The following PPIL4 variants were observed in gnomAD, a reference collection of about 807,000 sequenced individuals.
PPIL4 encodes the protein peptidylprolyl isomerase like 4, also known as peptidyl-prolyl cis-trans isomerase-like 4.
PPIL4 carries 50 observed loss-of-function variants against 69.1 expected under a neutral mutation model. The observed-to-expected ratio is 0.72, with a 90% CI of 0.58 to 0.92. PPIL4 has a LOEUF of 0.92. Ranked by LOEUF, PPIL4 falls within the 40% of genes least tolerant of loss-of-function variation. PPIL4 has a pLI of 0.00. For synonymous variants in PPIL4, 193 were observed against 191.6 expected, an observed-to-expected ratio of 1.01 and a Z score of -0.06; for missense variants, 480 against 587.9, an observed-to-expected ratio of 0.82 and a Z score of 1.90.
chr6:149,541,015 A>T lies in PPIL4; in HGVS notation c.248T>A (p.Val83Asp). 6.2e-7 allele frequency: 1 copy of T among 1,612,520 alleles called. No homozygotes were observed. Among genetic ancestry groups the T allele is most frequent in the African/African-American group, 1.3e-5 (1 of 74,974 alleles). The change falls in exon 4 of 13, where the codon GTC (valine) becomes GAC (aspartate). Residue 83 changes from valine (V) to aspartate (D), a missense_variant. Physicochemically the swap from Val to Asp is radical, Grantham distance 152. Coordinates refer to ENST00000253329, the MANE Select transcript of PPIL4 (RefSeq NM_139126.4). ...DQASFFEAEK[V>D]PRIKHKKKGT... ...TTTCTTCTTGTGCTTAATTCTTGGG[A>T]CTTTTTCTGCCTCAAAAAAGCTTGC...
intron 4 of PPIL4, among the ~76,000 whole-genome samples, chr6:149,536,592 A>G (rs1218074853): frequency 6.6e-6 from 1 of 152,192 alleles, no homozygotes; most frequent in Non-Finnish European, 1.5e-5. Context: ...CCTTAAGCCA[A>G]AGCCTAATTC....
intron 6 of PPIL4, among the ~76,000 whole-genome samples, chr6:149,534,031 C>T (rs906635487): frequency 3.0e-4 from 46 of 152,022 alleles, no homozygotes. Flanking sequence ...TGGCATGCAC[C>T]TACAATCCCA....
At chr6:149,529,626 G>A (rs186168189) in intron 7 of PPIL4, among the ~76,000 whole-genome samples, 11 of 151,940 alleles carry the variant, frequency 7.2e-5, no homozygotes, top group East Asian at 3.9e-4. Context: ...AGCCGGGCGC[G>A]GTGGCACGTG....
intron 1 of PPIL4, among the ~76,000 whole-genome samples, chr6:149,542,055 T>C (rs1033948914): frequency 5.9e-5 from 9 of 151,734 alleles, no homozygotes; most frequent in Non-Finnish European, 1.3e-4. Context: ...GCAATAAGTC[T>C]AGAAAAAAAA....
Position 149,525,173 on chromosome 6 carries a change from G to C in PPIL4, c.840C>G (p.Ser280=). ...CAAATTCAATAAAAGCGTAACAGAG[G>C]GACTCTCCTGTCTTCCAGTCTCGGA... is the stretch of plus-strand genomic sequence containing the variant. ...EVIRDWKTGE[S]LCYAFIEFEK... The change falls in exon 9 of 13, where the codon TCC becomes TCG. Residue 280 remains serine (S), a synonymous_variant. Coordinates refer to ENST00000253329, the MANE Select transcript of PPIL4 (RefSeq NM_139126.4). The C allele has an allele frequency of 6.4e-7, 1 of 1,564,194 alleles. No homozygotes were observed. The highest frequency in any genetic ancestry group is 8.7e-7 in the Non-Finnish European group (1 of 1,144,904).
rs553843546 is a variant in PPIL4, at chr6:149,539,604, T to G, written c.321+1338A>C. Among the ~76,000 whole-genome samples the G allele has an allele frequency of 1.1e-4, 16 of 152,226 alleles. 2 individuals carry two copies. In the South Asian group the frequency reaches 3.3e-3, roughly 32 times the overall value. Reference sequence around the variant, plus strand: ...CATGTTTCCTGGGCTGGTCTCGAAATCCTGAGCTCAACCCATCTGCCTGCC... The same window carrying G: ...CATGTTTCCTGGGCTGGTCTCGAAAGCCTGAGCTCAACCCATCTGCCTGCC... On this transcript the variant is annotated intron_variant, in intron 4 of 12. Coordinates refer to ENST00000253329, the MANE Select transcript of PPIL4 (RefSeq NM_139126.4).
At chr6:149,539,126 C>T (rs375284051) in intron 4 of PPIL4, among the ~76,000 whole-genome samples, 148 of 152,290 alleles carry the variant, frequency 9.7e-4, no homozygotes, top group Middle Eastern at 3.4e-3. Context: ...GGACTACAGG[C>T]ATGAGCCACT....
At chr6:149,525,459 GAAGT>G (rs1190161166) in intron 8 of PPIL4, among the ~76,000 whole-genome samples, 8 of 152,172 alleles carry the variant, frequency 5.3e-5, no homozygotes, top group Admixed American at 1.3e-4. Context: ...CTTAAGCACT[GAAGT>G]AAGAATAAAA....
chr6:149,517,538 T>C, intron 10 of PPIL4, 88 bp from the exon 11 acceptor site: 1 of 608,526 alleles, frequency 1.6e-6, no homozygotes. Context: ...ATAAGAGCTA[T>C]TTTATAAATG....
intron 12 of PPIL4, among the ~76,000 whole-genome samples, chr6:149,511,679 T>C (rs1776845554): frequency 6.6e-6 from 1 of 152,214 alleles, no homozygotes; most frequent in African/African-American, 2.4e-5. Context: ...TTTTTTTAAA[T>C]GTGCTGTTCA....
chr6:149,521,287 A>C, intron 9 of PPIL4, 116 bp from the exon 10 acceptor site: 1 of 670,520 alleles, frequency 1.5e-6, no homozygotes, highest in Non-Finnish European at 2.6e-6. Context: ...AATACTTATT[A>C]CACACCCGAT....
chr6:149,526,627 C>T, intron 8 of PPIL4, 25 bp downstream of exon 8: 1 of 1,581,178 alleles, frequency 6.3e-7, no homozygotes, highest in Non-Finnish European at 8.6e-7. Flanking sequence ...TTCTAAATAT[C>T]TCTTTCACTA....
chr6:149,535,595 C>G lies in PPIL4; in HGVS notation c.464+1G>C. ...ATTCAGATAGCAAATTGTAACCATA[C>G]CTGATATCCTGATATGGTACAAAGT... On this transcript the variant is annotated splice_donor_variant, in intron 5 of 12. Coordinates refer to ENST00000253329, the MANE Select transcript of PPIL4 (RefSeq NM_139126.4). LOFTEE classifies it high-confidence loss of function. The G allele has an allele frequency of 6.2e-7, 1 of 1,606,348 alleles. No individual in the cohort carries two copies.
intron 11 of PPIL4, 54 bp downstream of exon 11, chr6:149,517,300 T>C (rs569374967): frequency 1.6e-5 from 15 of 962,734 alleles, no homozygotes; most frequent in South Asian, 1.5e-4. Context: ...CACAGTACTC[T>C]ACACATAGCA....
chr6:149,528,397 C>T (rs1435409915), intron 7 of PPIL4, among the ~76,000 whole-genome samples: 1 of 152,146 alleles, frequency 6.6e-6, no homozygotes, highest in African/African-American at 2.4e-5. Flanking sequence ...TTGGTCAAAG[C>T]TAACTTTAAA....
intron 7 of PPIL4, among the ~76,000 whole-genome samples, chr6:149,532,765 G>A (rs1192013316): frequency 6.6e-6 from 1 of 152,134 alleles, no homozygotes; most frequent in Non-Finnish European, 1.5e-5. Flanking sequence ...AGCAAGCTAT[G>A]ATCATACACC....
At chr6:149,517,553 A>G in intron 10 of PPIL4, 103 bp from the exon 11 acceptor site, 1 of 559,040 alleles carries the variant, frequency 1.8e-6, no homozygotes. Context: ...TAAATGGCAT[A>G]TATCGAGAGA....
At position 149,529,762 on chromosome 6, in the gene PPIL4, C is replaced by CA. The variant is rs200318761; in HGVS notation, c.679-2987dup. Among the ~76,000 whole-genome samples the CA allele has an allele frequency of 8.2e-3, 584 of 71,554 alleles. 5 individuals carry two copies. Among genetic ancestry groups the CA allele is most frequent in the Middle Eastern group, 0.019 (3 of 158 alleles). 46.9% of individuals were successfully genotyped at this position (71,554 alleles called of 152,430 possible). A position where few individuals can be genotyped will look rare whatever the true frequency, so the allele number is the denominator to read the frequency against. On this transcript the variant is annotated intron_variant, in intron 7 of 12. Coordinates refer to ENST00000253329, the MANE Select transcript of PPIL4 (RefSeq NM_139126.4). ...TGACGACAAGAGCGAGACTCCGTCT[C>CA]AAAAAAAAAAAAAAAAGGAGGGAAA...
intron 10 of PPIL4, among the ~76,000 whole-genome samples, chr6:149,519,026 CTGTA>C (rs1395421375): frequency 6.6e-6 from 1 of 152,174 alleles, no homozygotes; most frequent in Non-Finnish European, 1.5e-5. Context: ...GAATAATAAA[CTGTA>C]TGTTTATGAT....
Sources: allele counts gnomAD v4.1 joint callset (sites outside exome capture counted in the v4.1 genomes callset), GRCh38; gene constraint gnomAD v4.1.1; transcripts MANE v1.5; gene names NCBI Gene and HGNC (gene_info 2026-07-23, HGNC 2026-07-21).